Variants in NXPH1 observed in about 807,000 individuals in gnomAD.
NXPH1 encodes neurexophilin-1.
In NXPH1, 5 loss-of-function variants were observed where a neutral mutation model predicts 23.7. The observed-to-expected ratio is 0.21, with a 90% CI of 0.11 to 0.44. The LOEUF (loss-of-function observed/expected upper bound fraction) is 0.44, where lower values mean the gene tolerates loss of function less well. NXPH1 is among the 20% of genes least tolerant of loss of function. The pLI is 0.99. For missense variants in NXPH1, 324 were observed against 321.6 expected (o/e 1.01, Z -0.06); for synonymous variants, 144 against 122.2 (o/e 1.18, Z -1.18).
intron 2 of NXPH1, among the ~76,000 whole-genome samples, chr7:8,567,325 C>A (rs1290619812): frequency 6.6e-6 from 1 of 151,856 alleles, no homozygotes; most frequent in Non-Finnish European, 1.5e-5. Flanking sequence ...CATGTTTGCG[C>A]CTCTGGTCAA....
chr7:8,662,763 C>A (rs1277822809), intron 2 of NXPH1, among the ~76,000 whole-genome samples: 2 of 151,950 alleles, frequency 1.3e-5, no homozygotes, highest in African/African-American at 4.8e-5. Context: ...TGTTTTAAAT[C>A]TATTCAATGT....
In NXPH1 at chr7:8,715,927, TTACATA is replaced by T. The variant is rs138198576; in HGVS notation, c.55-35072_55-35067del. 4.2e-3 allele frequency among the ~76,000 whole-genome samples: 643 copies of T among 152,038 alleles called. 7 individuals carry two copies. Among genetic ancestry groups the T allele is most frequent in the African/African-American group, 0.015 (604 of 41,522 alleles). ...TATGTGTGTGTTTGTGTGTGTATATTTACATATACATATATATATAAATGTATTAGC... is the reference window on the plus strand; with the variant it reads ...TATGTGTGTGTTTGTGTGTGTATATTTACATATATATATAAATGTATTAGC... On this transcript the variant is annotated intron_variant, in intron 2 of 2. Coordinates refer to ENST00000405863, the MANE Select transcript of NXPH1 (RefSeq NM_152745.3).
chr7:8,524,819 C>A (rs1022594427), intron 2 of NXPH1, among the ~76,000 whole-genome samples: 17 of 152,158 alleles, frequency 1.1e-4, no homozygotes, highest in Non-Finnish European at 2.5e-4. Context: ...TTGCCTCCAA[C>A]CATGATTCTA....
chr7:8,522,712 C>G (rs1817792955), intron 2 of NXPH1, among the ~76,000 whole-genome samples: 1 of 152,178 alleles, frequency 6.6e-6, no homozygotes, highest in Non-Finnish European at 1.5e-5. Flanking sequence ...GAGCCCAAGT[C>G]TGGTTCCCTC....
chr7:8,497,204 C>G (rs927005461), intron 2 of NXPH1, among the ~76,000 whole-genome samples: 2 of 152,102 alleles, frequency 1.3e-5, no homozygotes, highest in Non-Finnish European at 2.9e-5. Context: ...TCCTTTATTA[C>G]GGCTGCATAG....
chr7:8,587,110 T>C (rs1237620925), intron 2 of NXPH1, among the ~76,000 whole-genome samples: 1 of 152,170 alleles, frequency 6.6e-6, no homozygotes, highest in Non-Finnish European at 1.5e-5. Context: ...GTCAGAGAAT[T>C]CAAAATGACA....
chr7:8,590,979 C>T (rs1014797992), intron 2 of NXPH1, among the ~76,000 whole-genome samples: 4 of 152,148 alleles, frequency 2.6e-5, no homozygotes, highest in African/African-American at 4.8e-5. Context: ...CTTCTGTGTA[C>T]ACAATAGCAT....
chr7:8,584,536 A>G (rs1818943616), intron 2 of NXPH1, among the ~76,000 whole-genome samples: 1 of 152,320 alleles, frequency 6.6e-6, no homozygotes, highest in South Asian at 2.1e-4. Flanking sequence ...CAAGCTTTCT[A>G]TAGAGACAAA....
chr7:8,598,338 T>C (rs1224456185), intron 2 of NXPH1, among the ~76,000 whole-genome samples: 11 of 152,130 alleles, frequency 7.2e-5, no homozygotes, highest in African/African-American at 2.7e-4. Flanking sequence ...AATTATGAGA[T>C]CCAAAATGCT....
chr7:8,637,541 T>C lies in NXPH1; in HGVS notation c.55-113467T>C, dbSNP rs116912761. ...CACCTGGCCAAGAGACTGACTCTTA[T>C]TTCCTGTTCTGGTCAGTGAGGCTGG... On this transcript the variant is annotated intron_variant, in intron 2 of 2. Coordinates refer to ENST00000405863, the MANE Select transcript of NXPH1 (RefSeq NM_152745.3). Among the ~76,000 whole-genome samples the C allele has an allele frequency of 7.7e-3, 1,178 of 152,272 alleles. 12 individuals are homozygous for C. Among genetic ancestry groups the C allele is most frequent in the Middle Eastern group, 0.044 (13 of 294 alleles).
At chr7:8,623,474 G>C (rs1163417860) in intron 2 of NXPH1, among the ~76,000 whole-genome samples, 1 of 151,878 alleles carries the variant, frequency 6.6e-6, no homozygotes, top group Admixed American at 6.6e-5. Context: ...AAATACTTGA[G>C]AGAAAAATTA....
In NXPH1 at chr7:8,520,345, G is replaced by T. The variant is rs535401583; in HGVS notation, c.54+84578G>T. The stretch of plus-strand genomic sequence containing the variant: ...GCAGCAGCATTTGTTTTCCTTCAAA[G>T]CATTCTTGTTCTATGATTGAGATGA... On this transcript the variant is annotated intron_variant, in intron 2 of 2. Transcript: ENST00000405863. 7.2e-5 allele frequency among the ~76,000 whole-genome samples: 11 copies of T among 152,274 alleles called. No homozygotes were observed. In the South Asian group the frequency reaches 1.2e-3, roughly 17 times the overall value.
chr7:8,487,264 CT>C (rs1584188525), intron 2 of NXPH1, among the ~76,000 whole-genome samples: 1 of 152,174 alleles, frequency 6.6e-6, no homozygotes, highest in Admixed American at 6.5e-5. Flanking sequence ...TGTAGCTCCC[CT>C]GGTGGGAGGT....
Position 8,462,408 on chromosome 7 carries a change from C to T in NXPH1, c.54+26641C>T, listed in dbSNP as rs1816710911. 2.6e-5 allele frequency among the ~76,000 whole-genome samples: 4 copies of T among 152,188 alleles called. No individual in the cohort carries two copies. The South Asian group carries it at 8.3e-4, about 31-fold the overall frequency. On this transcript the variant is annotated intron_variant, in intron 2 of 2. Transcript: ENST00000405863. ...GAACATATATGTGCTAGGCACTTTA[C>T]AAATGTTAACTCATTTAATCTAGAT...
Position 8,435,600 on chromosome 7 carries a change from C to A in NXPH1, c.-110-4C>A. 1.1e-6 allele frequency: 1 copy of A among 935,292 alleles called. No individual in the cohort carries two copies. Among genetic ancestry groups the A allele is most frequent in the Non-Finnish European group, 1.8e-6 (1 of 566,034 alleles). The allele number at this position is 935,292 out of a possible 1,614,324, so 57.9% of individuals were successfully genotyped here. A position where few individuals can be genotyped will look rare whatever the true frequency, so the allele number is the denominator to read the frequency against. ...ATGGGATGTCTAATTTTATTTGCAT[C>A]TAGGCTGCTGAGAGCGCTCCTTGCT... is the stretch of plus-strand genomic sequence containing the variant. On this transcript the variant is annotated splice_region_variant and splice_polypyrimidine_tract_variant and intron_variant, in intron 1 of 2. Coordinates refer to ENST00000405863, the MANE Select transcript of NXPH1 (RefSeq NM_152745.3). This position sits in a 1 kb window ranked among gnomAD's most constrained non-coding sequence, Gnocchi z 5.9.
chr7:8,454,520 G>A (rs1020166122), intron 2 of NXPH1, among the ~76,000 whole-genome samples: 15 of 152,064 alleles, frequency 9.9e-5, no homozygotes, highest in African/African-American at 3.6e-4. Flanking sequence ...GTATTGATTG[G>A]GAAGTGTCAG....
intron 2 of NXPH1, among the ~76,000 whole-genome samples, chr7:8,717,880 T>C (rs1162829752): frequency 8.3e-6 from 1 of 120,666 alleles, no homozygotes; most frequent in Non-Finnish European, 1.6e-5. Flanking sequence ...GTGGGTGTAT[T>C]CTTCTCTCTG....
At chr7:8,471,766 A>G (rs1816876498) in intron 2 of NXPH1, among the ~76,000 whole-genome samples, 1 of 152,054 alleles carries the variant, frequency 6.6e-6, no homozygotes, top group Non-Finnish European at 1.5e-5. Flanking sequence ...TTACTCTTAC[A>G]TTTCTCATTT....
intron 2 of NXPH1, among the ~76,000 whole-genome samples, chr7:8,746,434 C>A (rs534125742): frequency 2.0e-5 from 3 of 152,314 alleles, no homozygotes; most frequent in African/African-American, 7.2e-5. Context: ...CCCATTATAT[C>A]ACTGAAGGCA....
Sources: allele counts gnomAD v4.1 joint callset (sites outside exome capture counted in the v4.1 genomes callset), GRCh38; gene constraint gnomAD v4.1.1; non-coding constraint Gnocchi (gnomAD v3.1); transcripts MANE v1.5; gene names NCBI Gene and HGNC (gene_info 2026-07-23, HGNC 2026-07-21).